Variants in STK39 observed in about 807,000 individuals in gnomAD.
The protein encoded by STK39 is serine/threonine kinase 39.
A neutral mutation model predicts 77.8 loss-of-function variants in STK39; 20 were observed. That is an observed-to-expected ratio of 0.26 (90% CI 0.18 to 0.37). The LOEUF (loss-of-function observed/expected upper bound fraction) is 0.37. Ranked by LOEUF, STK39 falls within the 10% of genes least tolerant of loss-of-function variation. STK39 has a pLI of 1.00. For missense variants in STK39, 479 were observed against 656.5 expected, an observed-to-expected ratio of 0.73 and a Z score of 2.95; for synonymous variants, 246 against 234.1, an observed-to-expected ratio of 1.05 and a Z score of -0.47.
chr2:168,189,688 C>T (rs1689291862), intron 1 of STK39, among the ~76,000 whole-genome samples: 1 of 152,036 alleles, frequency 6.6e-6, no homozygotes, highest in African/African-American at 2.4e-5. Context: ...TTTTTGTTTT[C>T]TTAATGAAAC....
In STK39 at chr2:168,153,778, A is replaced by G. The variant is rs1688353869; in HGVS notation, c.628+8009T>C. ...ATCCCGGGGCAGCAGCATGCAAGGT[A>G]AGGAGGCCGATTTGACTGAAGAGGA... On this transcript the variant is annotated intron_variant, in intron 5 of 17. Transcript: ENST00000355999. Among the ~76,000 whole-genome samples, 3 of 152,180 alleles carry G rather than the reference A, an allele frequency of 2.0e-5. No individual in the cohort carries two copies. The South Asian group carries it at 6.2e-4, about 32-fold the overall frequency.
At chr2:167,965,001 C>T (rs1992760) in intron 16 of STK39, among the ~76,000 whole-genome samples, 2 of 151,828 alleles carry the variant, frequency 1.3e-5, no homozygotes, top group Admixed American at 6.6e-5. Flanking sequence ...AAATTTCTAA[C>T]GGAAAGTAGA....
intron 1 of STK39, among the ~76,000 whole-genome samples, chr2:168,199,590 C>A (rs551377162): frequency 6.6e-6 from 1 of 151,378 alleles, no homozygotes; most frequent in Non-Finnish European, 1.5e-5. Context: ...TGCAGTGGCA[C>A]GATCTCGGCT....
chr2:168,247,290 G>A lies in STK39; in HGVS notation c.146C>T (p.Pro49Leu). The A allele has an allele frequency of 9.8e-7, 1 of 1,019,418 alleles. No homozygotes were observed. The highest frequency in any genetic ancestry group is 6.1e-5 in the East Asian group (1 of 16,312). 63.1% of individuals were successfully genotyped at this position (1,019,418 alleles called of 1,614,324 possible). A position where few individuals can be genotyped will look rare whatever the true frequency, so the allele number is the denominator to read the frequency against. Reference sequence around the variant, plus strand: ...GGGCCAGCCGACAGCCTGTGCCGCCGGGGCCGGGGCCGGGGCCGGGGCCGC... The same window carrying A: ...GGGCCAGCCGACAGCCTGTGCCGCCAGGGCCGGGGCCGGGGCCGGGGCCGC... ...APAAPAPAPA[P>L]AAQAVGWPIC... The change falls in exon 1 of 18, where the codon CCG becomes CTG. Residue 49 changes from proline (P) to leucine (L), a missense_variant. This residue lies in a region of STK39 where 96 missense variants were observed against 79.1 expected (regional missense o/e 1.21). Coordinates refer to ENST00000355999, the MANE Select transcript of STK39 (RefSeq NM_013233.3).
At chr2:168,064,349 C>T (rs1222699476) in intron 13 of STK39, among the ~76,000 whole-genome samples, 1 of 152,194 alleles carries the variant, frequency 6.6e-6, no homozygotes, top group Non-Finnish European at 1.5e-5. Context: ...TATCATTCAA[C>T]CAATCCCTAC....
rs1691716217 is a variant in STK39, at chr2:167,954,584, T to G, written c.*912A>C. On this transcript the variant is annotated 3_prime_UTR_variant, in exon 18 of 18. Transcript: ENST00000355999. ...AGCAATCTAACAGAATGGCAACATTTTACATAGCATTCTAAACGGTCCAAT... is the reference window on the plus strand; with the variant it reads ...AGCAATCTAACAGAATGGCAACATTGTACATAGCATTCTAAACGGTCCAAT... The G allele has an allele frequency of 6.6e-6, 1 of 152,608 alleles. No individual in the cohort carries two copies. Among genetic ancestry groups the G allele is most frequent in the Non-Finnish European group, 1.5e-5 (1 of 68,040 alleles). The allele number at this position is 152,608 out of a possible 1,614,324, so 9.5% of individuals were successfully genotyped here.
At chr2:167,984,293 G>A (rs1393487619) in intron 16 of STK39, among the ~76,000 whole-genome samples, 1 of 152,194 alleles carries the variant, frequency 6.6e-6, no homozygotes, top group East Asian at 1.9e-4. Flanking sequence ...GGAGGGGCAG[G>A]AACAAGGTGC....
intron 14 of STK39, among the ~76,000 whole-genome samples, chr2:168,034,819 G>T (rs1381362105): frequency 2.0e-5 from 3 of 152,156 alleles, no homozygotes; most frequent in Non-Finnish European, 4.4e-5. Flanking sequence ...CGAGCAGCGG[G>T]TGCCATGCTA....
intron 1 of STK39, among the ~76,000 whole-genome samples, chr2:168,227,573 A>C (rs1468251133): frequency 6.6e-6 from 1 of 152,244 alleles, no homozygotes; most frequent in Non-Finnish European, 1.5e-5. Flanking sequence ...TATGAAATCC[A>C]AAAGTCACTA....
chr2:168,160,481 T>TAGC (rs1245243266), intron 5 of STK39, among the ~76,000 whole-genome samples: 1 of 152,168 alleles, frequency 6.6e-6, no homozygotes, highest in African/African-American at 2.4e-5. Flanking sequence ...GCAACAGCAG[T>TAGC]AGCAGCAGCA....
chr2:168,236,595 T>G (rs185425236), intron 1 of STK39, among the ~76,000 whole-genome samples: 10 of 152,370 alleles, frequency 6.6e-5, no homozygotes, highest in Non-Finnish European at 1.2e-4. Flanking sequence ...GTCTAACATG[T>G]AAGTCTTTAA....
At chr2:168,133,494 C>T (rs1218629305) in intron 8 of STK39, among the ~76,000 whole-genome samples, 3 of 152,058 alleles carry the variant, frequency 2.0e-5, no homozygotes, top group Non-Finnish European at 4.4e-5. Context: ...AAGTGTTTAT[C>T]ACTTTGGGAT....
intron 5 of STK39, among the ~76,000 whole-genome samples, chr2:168,154,634 C>T (rs769725763): frequency 6.6e-5 from 10 of 152,042 alleles, no homozygotes; most frequent in Non-Finnish European, 1.5e-4. Context: ...TTAAGTTACC[C>T]AGGTATAGGC....
chr2:168,047,124 G>C (rs906114726), intron 14 of STK39, among the ~76,000 whole-genome samples: 1 of 152,190 alleles, frequency 6.6e-6, no homozygotes, highest in South Asian at 2.1e-4. Flanking sequence ...TTGGAGAAAA[G>C]AGGTAAAAGA....
intron 1 of STK39, among the ~76,000 whole-genome samples, chr2:168,205,676 G>A (rs188131918): frequency 6.8e-4 from 104 of 152,000 alleles, no homozygotes; most frequent in African/African-American, 2.3e-3. Context: ...AAAATTAGCC[G>A]GGTGTGGTGG....
intron 10 of STK39, among the ~76,000 whole-genome samples, chr2:168,096,587 A>G (rs1450866527): frequency 6.6e-6 from 1 of 152,176 alleles, no homozygotes; most frequent in Non-Finnish European, 1.5e-5. Context: ...TCCTACACCC[A>G]AGTATGTGGA....
chr2:168,011,176 T>A (rs555940246), intron 16 of STK39, among the ~76,000 whole-genome samples: 16 of 152,184 alleles, frequency 1.1e-4, no homozygotes, highest in African/African-American at 3.9e-4. Flanking sequence ...CATGCGTCTG[T>A]AGTCCCAAGC....
chr2:168,216,449 CTAAT>C (rs1255055071), intron 1 of STK39, among the ~76,000 whole-genome samples: 1 of 152,168 alleles, frequency 6.6e-6, no homozygotes, highest in Non-Finnish European at 1.5e-5. Context: ...ACTTAGCAGC[CTAAT>C]TTATTTTGAC....
intron 10 of STK39, among the ~76,000 whole-genome samples, chr2:168,099,432 G>T (rs897836420): frequency 6.6e-6 from 1 of 152,202 alleles, no homozygotes; most frequent in Non-Finnish European, 1.5e-5. Context: ...ATGGTCCCAA[G>T]AAGAGTCCTA....
Sources: allele counts gnomAD v4.1 joint callset (sites outside exome capture counted in the v4.1 genomes callset), GRCh38; gene constraint gnomAD v4.1.1; regional missense constraint gnomAD v4.1.1; transcripts MANE v1.5; gene names NCBI Gene and HGNC (gene_info 2026-07-23, HGNC 2026-07-21).